ZFPM2: variants seen among roughly 807,000 people sequenced by gnomAD.
ZFPM2 encodes zinc finger protein ZFPM2.
Under a neutral mutation model 98.6 loss-of-function variants are expected in ZFPM2, and 20 were observed. The ratio of observed to expected loss-of-function variants is 0.20; its 90% CI spans 0.14 to 0.29. The LOEUF (loss-of-function observed/expected upper bound fraction) is 0.29, where lower values mean the gene tolerates loss of function less well. Among genes scored for constraint, ZFPM2 ranks in the 10% least tolerant of loss-of-function variants. ZFPM2 has a pLI of 1.00. For missense variants in ZFPM2, 1,310 were observed against 1,388.6 expected (o/e 0.94, Z 0.90); for synonymous variants, 518 against 502.7 (o/e 1.03, Z -0.41).
At chr8:105,652,691 T>C (rs1177261565) in intron 5 of ZFPM2, among the ~76,000 whole-genome samples, 1 of 152,102 alleles carries the variant, frequency 6.6e-6, no homozygotes, top group Non-Finnish European at 1.5e-5. Flanking sequence ...GAAATGGACG[T>C]TTCAGAGGTA....
At chr8:105,747,217 A>C (rs1338402697) in intron 5 of ZFPM2, among the ~76,000 whole-genome samples, 1 of 152,074 alleles carries the variant, frequency 6.6e-6, no homozygotes. Context: ...AGCTCTGTTC[A>C]GGCTCAGAAT....
intron 3 of ZFPM2, among the ~76,000 whole-genome samples, chr8:105,512,641 A>C (rs1813839973): frequency 6.6e-6 from 1 of 152,196 alleles, no homozygotes; most frequent in Non-Finnish European, 1.5e-5. Flanking sequence ...TATCTCAAAA[A>C]GAACTGCAGA....
chr8:105,726,446 A>G (rs1811806799), intron 5 of ZFPM2, among the ~76,000 whole-genome samples: 1 of 151,860 alleles, frequency 6.6e-6, no homozygotes, highest in South Asian at 2.1e-4. Context: ...TAAAGAAGTC[A>G]GCAAAGAACA....
intron 4 of ZFPM2, among the ~76,000 whole-genome samples, chr8:105,566,421 A>G (rs745821808): frequency 2.0e-5 from 3 of 152,172 alleles, no homozygotes; most frequent in Non-Finnish European, 4.4e-5. Context: ...TCAAAGGACT[A>G]CTGATGAGGA....
chr8:105,336,226 A>G (rs1161019992), intron 1 of ZFPM2, among the ~76,000 whole-genome samples: 1 of 151,672 alleles, frequency 6.6e-6, no homozygotes, highest in East Asian at 2.0e-4. Context: ...TCCGTGACTC[A>G]GTTTCCCCAT....
chr8:105,556,604 CA>C (rs1398767256), intron 3 of ZFPM2, among the ~76,000 whole-genome samples: 1 of 152,026 alleles, frequency 6.6e-6, no homozygotes, highest in Non-Finnish European at 1.5e-5. Flanking sequence ...TACCACTTTA[CA>C]AAACTCCTTT....
At chr8:105,641,520 A>G (rs1389192757) in intron 5 of ZFPM2, among the ~76,000 whole-genome samples, 3 of 152,080 alleles carry the variant, frequency 2.0e-5, no homozygotes, top group Non-Finnish European at 4.4e-5. Context: ...CTTAAGGTCA[A>G]GACAAGTGAC....
intron 1 of ZFPM2, among the ~76,000 whole-genome samples, chr8:105,335,438 C>T (rs1812309614): frequency 2.6e-5 from 4 of 151,886 alleles, no homozygotes; most frequent in Middle Eastern, 3.4e-3. Flanking sequence ...GTAAATTCAT[C>T]TGATCAGTGG....
At chr8:105,756,748 A>G (rs1812607228) in intron 5 of ZFPM2, among the ~76,000 whole-genome samples, 1 of 83,026 alleles carries the variant, frequency 1.2e-5, no homozygotes, top group Non-Finnish European at 2.3e-5. Context: ...GCAGTTTTTA[A>G]ACTAGGTAGA....
intron 6 of ZFPM2, among the ~76,000 whole-genome samples, chr8:105,792,377 A>C (rs1813641906): frequency 6.6e-6 from 1 of 152,154 alleles, no homozygotes; most frequent in Admixed American, 6.5e-5. Context: ...CAGGTTGTTC[A>C]GTTTCCATGT....
chr8:105,801,435 C>G lies in ZFPM2; in HGVS notation c.1353C>G (p.Asn451Lys). ...AAAAGACTCAGCTCTTTCTCACGAA[C>G]CAGAGACCAGAGATACAGCCTACAA... ...CEKKTQLFLT[N>K]QRPEIQPTTN... The change falls in exon 8 of 8, where the codon AAC becomes AAG. Residue 451 changes from asparagine (N) to lysine (K), a missense_variant. Asn to Lys is a moderately conservative substitution (Grantham distance 94, BLOSUM62 0). Transcript: ENST00000407775. 6.2e-7 allele frequency: 1 copy of G among 1,613,846 alleles called. No individual in the cohort carries two copies. The highest frequency in any genetic ancestry group is 8.5e-7 in the Non-Finnish European group (1 of 1,179,862).
At chr8:105,664,126 G>A (rs1240900604) in intron 5 of ZFPM2, among the ~76,000 whole-genome samples, 3 of 152,156 alleles carry the variant, frequency 2.0e-5, no homozygotes, top group Admixed American at 1.3e-4. Flanking sequence ...TTTCTTAAAG[G>A]TTGGTAGATT....
At chr8:105,489,464 ATATTTT>A (rs1297499491) in intron 3 of ZFPM2, among the ~76,000 whole-genome samples, 1 of 78,892 alleles carries the variant, frequency 1.3e-5, no homozygotes, top group African/African-American at 6.3e-5. Context: ...ATATATATAT[ATATTTT>A]TTTTTTTTTT....
chr8:105,419,436 A>G (rs1811750475), intron 2 of ZFPM2, 134 bp downstream of exon 2: 1 of 1,116,176 alleles, frequency 9.0e-7, no homozygotes. Context: ...ATTTTTTTAA[A>G]CATAAAATTT....
At chr8:105,604,275 C>T (rs544201028) in intron 4 of ZFPM2, among the ~76,000 whole-genome samples, 2 of 151,934 alleles carry the variant, frequency 1.3e-5, no homozygotes, top group Non-Finnish European at 2.9e-5. Flanking sequence ...CAATGAATTT[C>T]GCTTTCAAAA....
chr8:105,577,269 A>G (rs1815486885), intron 4 of ZFPM2, among the ~76,000 whole-genome samples: 1 of 152,108 alleles, frequency 6.6e-6, no homozygotes, highest in Non-Finnish European at 1.5e-5. Flanking sequence ...CATAGCCTTT[A>G]TGTATATTTT....
intron 1 of ZFPM2, among the ~76,000 whole-genome samples, chr8:105,410,661 G>C (rs1205788759): frequency 1.3e-5 from 2 of 151,900 alleles, no homozygotes; most frequent in Non-Finnish European, 2.9e-5. Context: ...GCAGAATGCA[G>C]TTTGTTAGAT....
chr8:105,390,723 A>C (rs1330076313), intron 1 of ZFPM2, among the ~76,000 whole-genome samples: 1 of 152,162 alleles, frequency 6.6e-6, no homozygotes, highest in Non-Finnish European at 1.5e-5. Context: ...CACAACCTTA[A>C]TGTACTCATG....
intron 5 of ZFPM2, among the ~76,000 whole-genome samples, chr8:105,743,297 G>A (rs1812264058): frequency 6.6e-6 from 1 of 152,006 alleles, no homozygotes; most frequent in Admixed American, 6.6e-5. Context: ...ATGGGAGAGA[G>A]AATTTCAGTC....
Sources: allele counts gnomAD v4.1 joint callset (sites outside exome capture counted in the v4.1 genomes callset), GRCh38; gene constraint gnomAD v4.1.1; transcripts MANE v1.5; gene names NCBI Gene and HGNC (gene_info 2026-07-23, HGNC 2026-07-21).